GPC5: variants seen among roughly 807,000 people sequenced by gnomAD.
The protein encoded by GPC5 is glypican 5.
In GPC5, 47 loss-of-function variants were observed where a neutral mutation model predicts 53.9. The ratio of observed to expected loss-of-function variants is 0.87; its 90% CI spans 0.69 to 1.11. The LOEUF is 1.11. Among genes scored for constraint, GPC5 ranks in the 50% most tolerant of loss-of-function variants. GPC5 has a pLI of 0.00. For missense variants in GPC5, 748 were observed against 713.1 expected (o/e 1.05, Z -0.56); for synonymous variants, 286 against 263.3 (o/e 1.09, Z -0.84).
intron 2 of GPC5, among the ~76,000 whole-genome samples, chr13:91,540,515 A>G (rs534263918): frequency 2.8e-4 from 42 of 152,336 alleles, no homozygotes; most frequent in African/African-American, 9.6e-4. Context: ...TTTGGGGGTG[A>G]TGAGAATGAT....
intron 7 of GPC5, among the ~76,000 whole-genome samples, chr13:92,225,356 T>C (rs942060189): frequency 2.6e-5 from 4 of 152,238 alleles, no homozygotes; most frequent in Admixed American, 2.6e-4. Context: ...GCTTGGTTTC[T>C]GAATGGCTTA....
intron 2 of GPC5, among the ~76,000 whole-genome samples, chr13:91,658,142 A>G (rs1477496269): frequency 1.3e-5 from 2 of 152,156 alleles, no homozygotes; most frequent in Non-Finnish European, 2.9e-5. Flanking sequence ...GGGCAAGCAC[A>G]TTGAAAGGGA....
intron 6 of GPC5, among the ~76,000 whole-genome samples, chr13:92,004,649 C>A (rs1014809855): frequency 2.7e-5 from 4 of 150,750 alleles, no homozygotes; most frequent in Non-Finnish European, 5.9e-5. Flanking sequence ...AAGACGTAAC[C>A]GAGACTGGAT....
chr13:92,213,778 C>G (rs1373050453), intron 7 of GPC5, among the ~76,000 whole-genome samples: 5 of 152,084 alleles, frequency 3.3e-5, no homozygotes, highest in Admixed American at 6.6e-5. Context: ...ATTTGATAGT[C>G]TTTTGCTGCA....
chr13:91,521,697 A>G (rs1435017539), intron 2 of GPC5, among the ~76,000 whole-genome samples: 3 of 152,214 alleles, frequency 2.0e-5, no homozygotes, highest in Non-Finnish European at 4.4e-5. Flanking sequence ...ACCAACAAGA[A>G]AGCAATCAGT....
intron 7 of GPC5, among the ~76,000 whole-genome samples, chr13:92,675,164 A>C (rs1421843035): frequency 6.6e-6 from 1 of 152,160 alleles, no homozygotes; most frequent in Non-Finnish European, 1.5e-5. Flanking sequence ...TCAGAGAGTT[A>C]TAAAATAATA....
At chr13:91,420,904 C>T (rs372976605) in intron 1 of GPC5, among the ~76,000 whole-genome samples, 84 of 152,302 alleles carry the variant, frequency 5.5e-4, no homozygotes, top group Non-Finnish European at 1.0e-3. Context: ...AAACTTGTTT[C>T]CTTTATAAAT....
At chr13:92,809,560 T>C (rs1326103) in intron 7 of GPC5, among the ~76,000 whole-genome samples, 14,636 of 152,254 alleles carry the variant, frequency 0.096, 1,237 homozygotes, top group African/African-American at 0.22. Context: ...ATGGTACACC[T>C]GCATGTGCAG....
At chr13:91,688,710 G>T (rs1296108063) in intron 2 of GPC5, among the ~76,000 whole-genome samples, 1 of 152,114 alleles carries the variant, frequency 6.6e-6, no homozygotes, top group East Asian at 1.9e-4. Context: ...TACTTACACA[G>T]ATCTAGACCT....
chr13:91,728,000 G>C (rs1262271048), intron 3 of GPC5, among the ~76,000 whole-genome samples: 1 of 152,030 alleles, frequency 6.6e-6, no homozygotes. Context: ...AATTACACCA[G>C]ACTGAGAAAG....
intron 2 of GPC5, among the ~76,000 whole-genome samples, chr13:91,568,496 A>G (rs2031635236): frequency 6.6e-6 from 1 of 152,024 alleles, no homozygotes; most frequent in Non-Finnish European, 1.5e-5. Context: ...GTCTGTAGGA[A>G]GATTTATATC....
chr13:92,527,107 A>AG (rs77704633), intron 7 of GPC5, among the ~76,000 whole-genome samples: 1 of 39,984 alleles, frequency 2.5e-5, no homozygotes, highest in East Asian at 1.4e-3. Flanking sequence ...AAAAGAAAGA[A>AG]AAAAGAAAGA....
rs1882970816 is a variant in GPC5 at position 92,569,882 on chromosome 13, A to G, written c.1562-296400A>G. ...TCAGGAGCCTGGCTCCTTTTAAAATATAAACAGTTACACTGTGTTCTTTCT... is the reference window on the plus strand; with the variant it reads ...TCAGGAGCCTGGCTCCTTTTAAAATGTAAACAGTTACACTGTGTTCTTTCT... On this transcript the variant is annotated intron_variant, in intron 7 of 7. Transcript: ENST00000377067. 2.6e-5 allele frequency among the ~76,000 whole-genome samples: 4 copies of G among 152,336 alleles called. No homozygotes were observed. The South Asian group carries it at 6.2e-4, about 24-fold the overall frequency.
intron 7 of GPC5, among the ~76,000 whole-genome samples, chr13:92,582,713 T>C (rs1234542326): frequency 6.6e-6 from 1 of 152,158 alleles, no homozygotes. Flanking sequence ...GGATCTTTCA[T>C]ATCCCTGGTT....
chr13:92,200,563 T>G (rs2042287163), intron 7 of GPC5, among the ~76,000 whole-genome samples: 1 of 152,244 alleles, frequency 6.6e-6, no homozygotes, highest in Admixed American at 6.5e-5. Flanking sequence ...TTTTCTGTTA[T>G]GTTCCAAACA....
chr13:91,553,796 T>C (rs1461361863), intron 2 of GPC5, among the ~76,000 whole-genome samples: 1 of 152,044 alleles, frequency 6.6e-6, no homozygotes, highest in Non-Finnish European at 1.5e-5. Context: ...GCAAAAGGAA[T>C]AAAAAGCTCT....
At chr13:92,743,641 A>G (rs984819163) in intron 7 of GPC5, among the ~76,000 whole-genome samples, 1 of 152,100 alleles carries the variant, frequency 6.6e-6, no homozygotes, top group Non-Finnish European at 1.5e-5. Flanking sequence ...GAGTGGTGAG[A>G]GACGGCATCT....
At chr13:91,831,055 T>G (rs1295796571) in intron 5 of GPC5, among the ~76,000 whole-genome samples, 1 of 139,896 alleles carries the variant, frequency 7.1e-6, no homozygotes, top group Non-Finnish European at 1.5e-5. Flanking sequence ...ATATATATCC[T>G]ATTTATATAT....
intron 7 of GPC5, chr13:92,339,705 C>T (rs2043350416): frequency 6.6e-6 from 1 of 152,100 alleles, no homozygotes; most frequent in Non-Finnish European, 1.5e-5. Flanking sequence ...ACTGCAAATG[C>T]TGTGCTATTT....
Sources: gnomAD v4.1 joint callset for allele counts (sites outside exome capture counted in the v4.1 genomes callset) on GRCh38, gnomAD v4.1.1 for gene constraint, MANE v1.5 for transcripts, NCBI Gene and HGNC (gene_info 2026-07-23, HGNC 2026-07-21) for gene names.